DPP4: variants seen among roughly 807,000 people sequenced by gnomAD.
The protein encoded by DPP4 is dipeptidyl peptidase 4, also known as ADCP-2.
DPP4 carries 93 observed loss-of-function variants against 122.4 expected under a neutral mutation model. The ratio of observed to expected loss-of-function variants is 0.76; its 90% CI spans 0.64 to 0.90. The LOEUF (loss-of-function observed/expected upper bound fraction) is 0.90. Ranked by LOEUF, DPP4 falls within the 40% of genes least tolerant of loss-of-function variation. The pLI, the probability that DPP4 is intolerant of heterozygous loss-of-function variation, is 0.00. For synonymous variants in DPP4, 321 were observed against 302.9 expected (o/e 1.06, Z -0.62); for missense variants, 914 against 907.3 (o/e 1.01, Z -0.09).
chr2:162,056,496 G>A (rs1161892046), intron 2 of DPP4, among the ~76,000 whole-genome samples: 1 of 152,196 alleles, frequency 6.6e-6, no homozygotes, highest in Non-Finnish European at 1.5e-5. Context: ...AGGAGCCTCT[G>A]AAACGGCCTT....
intron 22 of DPP4, among the ~76,000 whole-genome samples, chr2:162,008,266 T>G (rs1350729312): frequency 1.3e-5 from 2 of 152,062 alleles, no homozygotes; most frequent in African/African-American, 4.8e-5. Flanking sequence ...AAGAATCAAA[T>G]CAGAGTAAAG....
chr2:162,072,677 C>G (rs1169202186), intron 2 of DPP4, among the ~76,000 whole-genome samples: 1 of 152,160 alleles, frequency 6.6e-6, no homozygotes, highest in Non-Finnish European at 1.5e-5. Flanking sequence ...TTCTCACTTG[C>G]TTGCATCCTA....
At chr2:162,053,795 C>T (rs1684468454) in intron 2 of DPP4, among the ~76,000 whole-genome samples, 1 of 152,270 alleles carries the variant, frequency 6.6e-6, no homozygotes, top group African/African-American at 2.4e-5. Flanking sequence ...GCTACCTCCA[C>T]CTAGATTTCA....
At chr2:162,016,105 A>G (rs1682915827) in intron 18 of DPP4, among the ~76,000 whole-genome samples, 1 of 152,158 alleles carries the variant, frequency 6.6e-6, no homozygotes, top group Non-Finnish European at 1.5e-5. Context: ...AATCTTTTCT[A>G]TTATCCTAAA....
chr2:162,025,732 C>T (rs761353723), intron 10 of DPP4, among the ~76,000 whole-genome samples: 8 of 152,302 alleles, frequency 5.3e-5, no homozygotes, highest in African/African-American at 1.2e-4. Context: ...TCCTCCTCCC[C>T]GATTGTGGTT....
intron 9 of DPP4, 64 bp downstream of exon 9, chr2:162,035,100 G>T: frequency 1.3e-6 from 2 of 1,487,756 alleles, no homozygotes; most frequent in Non-Finnish European, 1.8e-6. Flanking sequence ...AGCAAGAAGG[G>T]ATTAAATGAA....
intron 12 of DPP4, 37 bp from the exon 13 acceptor site, chr2:162,020,725 C>G: frequency 6.7e-7 from 1 of 1,499,274 alleles, no homozygotes; most frequent in South Asian, 1.2e-5. Context: ...CATTAAAGCA[C>G]AGTGTCTCAT....
At chr2:162,052,938 G>A (rs1684432900) in intron 2 of DPP4, among the ~76,000 whole-genome samples, 2 of 152,192 alleles carry the variant, frequency 1.3e-5, no homozygotes, top group African/African-American at 4.8e-5. Flanking sequence ...GCTGAATTGT[G>A]TCTGTGCCCT....
At chr2:162,029,334 C>A (rs1366431849) in intron 10 of DPP4, among the ~76,000 whole-genome samples, 1 of 152,218 alleles carries the variant, frequency 6.6e-6, no homozygotes. Flanking sequence ...AGAGCAACTG[C>A]AACCGTGGAA....
chr2:162,014,945 CG>C (rs1395507795), intron 18 of DPP4, among the ~76,000 whole-genome samples: 2 of 152,106 alleles, frequency 1.3e-5, no homozygotes, highest in African/African-American at 4.8e-5. Context: ...CATCCCAGAC[CG>C]CAAAGCTGAG....
chr2:162,005,614 C>G, intron 23 of DPP4, 131 bp downstream of exon 23: 1 of 759,534 alleles, frequency 1.3e-6, no homozygotes, highest in Non-Finnish European at 2.1e-6. Context: ...TCTAAACCAC[C>G]TGTGTTATTT....
rs930692777 is a variant in DPP4 at position 161,992,408 on chromosome 2, A to G, written c.*875T>C. ...ATTAAGACACTCAAAGAAATGAAAT[A>G]AGAAAAATTGATGCAAGGACTCCTT... On this transcript the variant is annotated 3_prime_UTR_variant, in exon 26 of 26. Transcript: ENST00000360534. 4 of 152,660 alleles carry G rather than the reference A, an allele frequency of 2.6e-5. No homozygotes were observed. The highest frequency in any genetic ancestry group is 9.6e-5 in the African/African-American group (4 of 41,462). The allele number at this position is 152,660 out of a possible 1,614,324, so 9.5% of individuals were successfully genotyped here. A position where few individuals can be genotyped will look rare whatever the true frequency, so the allele number is the denominator to read the frequency against.
chr2:161,994,902 A>G (rs1700960140), intron 25 of DPP4, 59 bp downstream of exon 25: 1 of 1,515,176 alleles, frequency 6.6e-7, no homozygotes, highest in African/African-American at 1.4e-5. Flanking sequence ...ATTAGCCCAG[A>G]AAGAGGAAAC....
Position 162,072,979 on chromosome 2 carries a change from T to G in DPP4, c.94+420A>C, listed in dbSNP as rs946576826. 2.0e-5 allele frequency among the ~76,000 whole-genome samples: 3 copies of G among 152,326 alleles called. No homozygotes were observed. The East Asian group carries it at 5.8e-4, about 29-fold the overall frequency. ...ATTTTGGGGCTTGCTTTCTCATTTT[T>G]CCTTTCCATTTCAGATATCCTTACT... On this transcript the variant is annotated intron_variant, in intron 2 of 25. Transcript: ENST00000360534.
chr2:162,047,376 A>T, intron 3 of DPP4, 27 bp downstream of exon 3: 1 of 1,386,674 alleles, frequency 7.2e-7, no homozygotes, highest in Non-Finnish European at 1.0e-6. Context: ...TAAGCATAAA[A>T]TCTGCCCTAC....
At chr2:162,038,847 G>A (rs1324953942) in intron 7 of DPP4, 102 bp downstream of exon 7, 4 of 1,005,742 alleles carry the variant, frequency 4.0e-6, no homozygotes, top group Non-Finnish European at 6.3e-6. Context: ...CTATAGTGAA[G>A]TATTGAGTTC....
At chr2:162,021,252 C>T (rs1683116727) in intron 12 of DPP4, among the ~76,000 whole-genome samples, 2 of 152,056 alleles carry the variant, frequency 1.3e-5, no homozygotes, top group African/African-American at 2.4e-5. Flanking sequence ...TGAAAACATT[C>T]ATATAGTTAT....
chr2:162,067,568 C>T (rs552791239), intron 2 of DPP4, among the ~76,000 whole-genome samples: 2 of 152,218 alleles, frequency 1.3e-5, no homozygotes, highest in East Asian at 3.9e-4. Context: ...CATTAATGCC[C>T]CCAGTTAAAG....
rs1341920202 is a variant in DPP4 at position 162,017,352 on chromosome 2, GA to G, written c.1421-198del. ...TAAAATAGTTGCAATTTCAGTGTAA[GA>G]AGTATTACTGGAAAGGCACAGGGCT... On this transcript the variant is annotated intron_variant, in intron 16 of 25. Transcript: ENST00000360534. 1.6e-5 allele frequency: 9 copies of G among 569,572 alleles called. No individual in the cohort carries two copies. The South Asian group carries it at 2.4e-4, about 15-fold the overall frequency. 35.3% of individuals were successfully genotyped at this position (569,572 alleles called of 1,614,324 possible). A position where few individuals can be genotyped will look rare whatever the true frequency, so the allele number is the denominator to read the frequency against.
Sources: allele counts gnomAD v4.1 joint callset (sites outside exome capture counted in the v4.1 genomes callset), GRCh38; gene constraint gnomAD v4.1.1; transcripts MANE v1.5; gene names NCBI Gene and HGNC (gene_info 2026-07-23, HGNC 2026-07-21).